Variants in COLGALT1 observed in about 807,000 individuals in gnomAD.
COLGALT1 encodes procollagen galactosyltransferase 1.
Under a neutral mutation model 60.8 loss-of-function variants are expected in COLGALT1, and 43 were observed. The ratio of observed to expected loss-of-function variants is 0.71; its 90% CI spans 0.55 to 0.91. COLGALT1 has a LOEUF of 0.91. Among genes scored for constraint, COLGALT1 ranks in the 40% least tolerant of loss-of-function variants. COLGALT1 has a pLI of 0.00. For missense variants in COLGALT1, 845 were observed against 880.0 expected, an observed-to-expected ratio of 0.96 and a Z score of 0.50; for synonymous variants, 369 against 374.2, an observed-to-expected ratio of 0.99 and a Z score of 0.16.
At chr19:17,564,044 T>G (rs2076265071) in intron 3 of COLGALT1, among the ~76,000 whole-genome samples, 1 of 130,510 alleles carries the variant, frequency 7.7e-6, no homozygotes, top group African/African-American at 2.8e-5. Context: ...AAAACCAGCC[T>G]GGGCAACATA....
chr19:17,577,894 C>T (rs1213396124), intron 8 of COLGALT1, 63 bp from the exon 9 acceptor site: 9 of 1,555,996 alleles, frequency 5.8e-6, no homozygotes, highest in Admixed American at 1.8e-5. Context: ...GTGGAATGGC[C>T]GGGGATGGCA....
chr19:17,565,543 G>A (rs2076275347), intron 3 of COLGALT1, among the ~76,000 whole-genome samples: 1 of 151,698 alleles, frequency 6.6e-6, no homozygotes, highest in Non-Finnish European at 1.5e-5. Context: ...GTGCGCGCCT[G>A]TATTTAATCC....
At chr19:17,564,518 GC>G (rs2076269415) in intron 3 of COLGALT1, among the ~76,000 whole-genome samples, 1 of 148,632 alleles carries the variant, frequency 6.7e-6, no homozygotes, top group East Asian at 2.0e-4. Context: ...CTGGGTTCAA[GC>G]AATTTTCCTG....
At chr19:17,580,934 G>A (rs1206138230) in intron 11 of COLGALT1, 29 bp downstream of exon 11, 2 of 1,611,258 alleles carry the variant, frequency 1.2e-6, no homozygotes, top group Non-Finnish European at 1.7e-6. Flanking sequence ...TGCTGGGCTG[G>A]GGTTTCACGG....
Position 17,567,466 on chromosome 19 carries a change from A to T in COLGALT1, c.550A>T (p.Asn184Tyr). ...CACACTGAGCCTGCTCATCGCTGAGAACAAGACGGTGGTCGCCCCCATGCT... is the reference window on the plus strand; with the variant it reads ...CACACTGAGCCTGCTCATCGCTGAGTACAAGACGGTGGTCGCCCCCATGCT... ...PDTLSLLIAE[N>Y]KTVVAPMLDS... The change falls in exon 4 of 12, where the codon AAC becomes TAC. Residue 184 changes from asparagine (N) to tyrosine (Y), a missense_variant. Coordinates refer to ENST00000252599, the MANE Select transcript of COLGALT1 (RefSeq NM_024656.4). 1 of 1,614,100 alleles carries T rather than the reference A, an allele frequency of 6.2e-7. No homozygotes were observed. Among genetic ancestry groups the T allele is most frequent in the Non-Finnish European group, 8.5e-7 (1 of 1,179,974 alleles).
intron 3 of COLGALT1, among the ~76,000 whole-genome samples, chr19:17,563,743 G>A (rs1317698910): frequency 6.6e-6 from 1 of 151,992 alleles, no homozygotes; most frequent in Non-Finnish European, 1.5e-5. Context: ...CACCCACCTC[G>A]TCCTCCCAAA....
intron 6 of COLGALT1, among the ~76,000 whole-genome samples, chr19:17,575,331 C>T (rs1408004864): frequency 6.6e-6 from 1 of 151,946 alleles, no homozygotes. Flanking sequence ...CTGCAAGCTC[C>T]GCTTCCTGGG....
At chr19:17,557,341 G>A (rs1037570332) in intron 1 of COLGALT1, among the ~76,000 whole-genome samples, 7 of 152,010 alleles carry the variant, frequency 4.6e-5, no homozygotes, top group Admixed American at 1.3e-4. Context: ...TTGCTCTGTC[G>A]CCCAGGCTGG....
At chr19:17,580,936 G>T (rs1555771614) in intron 11 of COLGALT1, 31 bp downstream of exon 11, 2 of 1,610,946 alleles carry the variant, frequency 1.2e-6, no homozygotes, top group Non-Finnish European at 1.7e-6. Flanking sequence ...CTGGGCTGGG[G>T]TTTCACGGTG....
intron 3 of COLGALT1, among the ~76,000 whole-genome samples, chr19:17,565,011 G>C (rs1011204246): frequency 6.6e-6 from 1 of 152,006 alleles, no homozygotes; most frequent in Non-Finnish European, 1.5e-5. Context: ...ACTCAGCATT[G>C]AGTTTTCAGG....
Position 17,577,475 on chromosome 19 carries a change from C to A in COLGALT1, c.1133+8C>A, listed in dbSNP as rs557992834. 1 of 180,984 alleles carries A rather than the reference C, an allele frequency of 5.5e-6. No homozygotes were observed. Among genetic ancestry groups the A allele is most frequent in the Non-Finnish European group, 6.6e-6 (1 of 151,888 alleles). The allele number at this position is 180,984 out of a possible 1,614,324, so 11.2% of individuals were successfully genotyped here. A position where few individuals can be genotyped will look rare whatever the true frequency, so the allele number is the denominator to read the frequency against. ...GGAGGCCGTGGACGGCAAGTGAGTC[C>A]GAGGCCTGGGGGTGGGGGGGCGGGT... On this transcript the variant is annotated splice_region_variant and intron_variant, in intron 8 of 11. Transcript: ENST00000252599.
chr19:17,557,882 G>A (rs571601675), intron 1 of COLGALT1, among the ~76,000 whole-genome samples: 1 of 152,272 alleles, frequency 6.6e-6, no homozygotes, highest in South Asian at 2.1e-4. Context: ...GATTACAGGC[G>A]TGAGCCATTG....
At position 17,579,380 on chromosome 19, in the gene COLGALT1, C is replaced by T. The variant is rs891705934; in HGVS notation, c.1267-102C>T. 10 of 1,509,314 alleles carry T rather than the reference C, an allele frequency of 6.6e-6. No individual in the cohort carries two copies. The South Asian group carries it at 8.3e-5, about 13-fold the overall frequency. The allele number at this position is 1,509,314 out of a possible 1,614,324, so 93.5% of individuals were successfully genotyped here. ...TAGGAGAGGCAGGGAGATGCACTGG[C>T]TTCTCTACGGGTCTTTCAAACCTTC... On this transcript the variant is annotated intron_variant, in intron 9 of 11. Transcript: ENST00000252599.
At chr19:17,564,904 C>A (rs568907405) in intron 3 of COLGALT1, among the ~76,000 whole-genome samples, 4 of 152,240 alleles carry the variant, frequency 2.6e-5, no homozygotes, top group African/African-American at 4.8e-5. Context: ...CTCCCCATTC[C>A]TCTCCCCTAG....
chr19:17,566,655 C>T (rs958859258), intron 3 of COLGALT1, among the ~76,000 whole-genome samples: 1 of 151,972 alleles, frequency 6.6e-6, no homozygotes, highest in African/African-American at 2.4e-5. Context: ...ATTATCTAGG[C>T]ATGGTGACGT....
At chr19:17,570,756 G>C (rs2076307965) in intron 5 of COLGALT1, among the ~76,000 whole-genome samples, 2 of 151,890 alleles carry the variant, frequency 1.3e-5, no homozygotes, top group Non-Finnish European at 2.9e-5. Flanking sequence ...AGTAGAGATG[G>C]GGTTTTGCCT....
chr19:17,580,778 T>G lies in COLGALT1; in HGVS notation c.1474T>G (p.Tyr492Asp), dbSNP rs954634522. 6.2e-7 allele frequency: 1 copy of G among 1,613,956 alleles called. No homozygotes were observed. The highest frequency in any genetic ancestry group is 1.3e-5 in the African/African-American group (1 of 74,908). Reference sequence around the variant, plus strand: ...CGTGAGGAACCTGGTGGAGGCCGACTATTCCTACTGGACCCTGGCCTACGT... The same window carrying G: ...CGTGAGGAACCTGGTGGAGGCCGACGATTCCTACTGGACCCTGGCCTACGT... ...PRVRNLVEAD[Y>D]SYWTLAYVIS... The change falls in exon 11 of 12, where the codon TAT becomes GAT. Residue 492 changes from tyrosine (Y) to aspartate (D), a missense_variant. Physicochemically the swap from Tyr to Asp is radical, Grantham distance 160. Transcript: ENST00000252599.
At chr19:17,575,960 A>G (rs564324037) in intron 6 of COLGALT1, among the ~76,000 whole-genome samples, 1 of 152,302 alleles carries the variant, frequency 6.6e-6, no homozygotes, top group East Asian at 1.9e-4. Flanking sequence ...AGTTCACCCC[A>G]TGACATAGTG....
At position 17,559,345 on chromosome 19, in the gene COLGALT1, A is replaced by G. The variant is rs202232301; in HGVS notation, c.295A>G (p.Thr99Ala). The G allele has an allele frequency of 3.9e-4, 604 of 1,552,648 alleles. 1 individual carries two copies. Among genetic ancestry groups the G allele is most frequent in the Non-Finnish European group, 4.9e-4 (564 of 1,147,464 alleles). The change falls in exon 2 of 12, where the codon ACT (threonine) becomes GCT (alanine). Residue 99 changes from threonine to alanine, a missense_variant. Physicochemically the swap from Thr to Ala is moderately conservative, Grantham distance 58. Transcript: ENST00000252599. ...GGACCACAACATGGATAACACGTCA[A>G]CTGTGCTGCGGGAGTGGCTGGTGGC... is the stretch of plus-strand genomic sequence containing the variant. ...ATDHNMDNTS[T>A]VLREWLVAVK...
Sources: allele counts gnomAD v4.1 joint callset (sites outside exome capture counted in the v4.1 genomes callset), GRCh38; gene constraint gnomAD v4.1.1; transcripts MANE v1.5; gene names NCBI Gene and HGNC (gene_info 2026-07-23, HGNC 2026-07-21).